Variants in DPP6 observed in about 807,000 individuals in gnomAD.
DPP6 encodes the protein dipeptidyl peptidase like 6, also known as A-type potassium channel modulatory protein DPP6.
In DPP6, 69 loss-of-function variants were observed where a neutral mutation model predicts 122.6. The ratio of observed to expected loss-of-function variants is 0.56; its 90% CI spans 0.46 to 0.69. The LOEUF (loss-of-function observed/expected upper bound fraction) is 0.69. Ranked by LOEUF, DPP6 falls within the 30% of genes least tolerant of loss-of-function variation. The pLI is 0.00. For missense variants in DPP6, 928 were observed against 1,116.9 expected (o/e 0.83, Z 2.41); for synonymous variants, 418 against 433.1 (o/e 0.97, Z 0.43).
At chr7:154,425,890 A>G (rs1048335903) in intron 1 of DPP6, among the ~76,000 whole-genome samples, 1 of 151,852 alleles carries the variant, frequency 6.6e-6, no homozygotes, top group Admixed American at 6.6e-5. Flanking sequence ...TGATCCTCCC[A>G]CCTCAATCTC....
chr7:154,262,685 T>C (rs572709870), intron 1 of DPP6, among the ~76,000 whole-genome samples: 4 of 151,256 alleles, frequency 2.6e-5, no homozygotes, highest in African/African-American at 9.7e-5. Flanking sequence ...CTAGAGACTC[T>C]AGGTTAAGCT....
intron 7 of DPP6, among the ~76,000 whole-genome samples, chr7:154,700,378 G>C (rs1840451217): frequency 6.6e-6 from 1 of 152,254 alleles, no homozygotes; most frequent in African/African-American, 2.4e-5. Flanking sequence ...TTTCTGGAGA[G>C]TGCTACCAGC....
rs545097008 is a variant in DPP6, at chr7:154,627,340, C to T, written c.628-10481C>T. On this transcript the variant is annotated intron_variant, in intron 5 of 25. Transcript: ENST00000377770. ...CCTCCCAAGTAGCTGGGACTACAGG[C>T]CCCTGCCACCATGTCCAGCTAATTT... is the stretch of plus-strand genomic sequence containing the variant. Among the ~76,000 whole-genome samples the T allele has an allele frequency of 5.9e-5, 9 of 151,688 alleles. No homozygotes were observed. In the South Asian group the frequency reaches 1.7e-3, roughly 28 times the overall value.
intron 8 of DPP6, among the ~76,000 whole-genome samples, chr7:154,734,874 A>C (rs1478164591): frequency 6.6e-6 from 1 of 152,228 alleles, no homozygotes; most frequent in Non-Finnish European, 1.5e-5. Flanking sequence ...GTCACAGAGG[A>C]AATTGAAATA....
the DPP6 span, among the ~76,000 whole-genome samples, chr7:153,769,821 A>T: frequency 2.0e-5 from 3 of 152,314 alleles, no homozygotes; most frequent in South Asian, 6.2e-4. Flanking sequence ...ACAGGCTGAA[A>T]TAGGGTTTGA....
intron 2 of DPP6, among the ~76,000 whole-genome samples, chr7:154,459,025 A>C (rs1303824755): frequency 6.6e-6 from 1 of 152,168 alleles, no homozygotes; most frequent in African/African-American, 2.4e-5. Flanking sequence ...GAGGAATAGG[A>C]ATCTCCAGTA....
intron 21 of DPP6, chr7:154,883,541 TTCAC>T (rs1404018848): frequency 6.1e-5 from 4 of 65,832 alleles, no homozygotes; most frequent in South Asian, 1.0e-3. Flanking sequence ...CGCTCACACA[TTCAC>T]ACACACCTGC....
At chr7:153,966,146 C>A (rs2969628) in intron 1 of DPP6, among the ~76,000 whole-genome samples, 2 of 81,938 alleles carry the variant, frequency 2.4e-5, no homozygotes, top group African/African-American at 8.5e-5. Context: ...CGACCCCTCT[C>A]GTGGCGTTGA....
intron 1 of DPP6, among the ~76,000 whole-genome samples, chr7:153,932,181 C>T (rs931902052): frequency 1.4e-5 from 2 of 146,102 alleles, no homozygotes; most frequent in African/African-American, 2.5e-5. Flanking sequence ...AGTACAATGG[C>T]GCCATCTTGG....
At chr7:154,191,164 C>T (rs1012027470) in intron 1 of DPP6, among the ~76,000 whole-genome samples, 4 of 152,166 alleles carry the variant, frequency 2.6e-5, no homozygotes, top group African/African-American at 9.7e-5. Flanking sequence ...ATGCCATTTT[C>T]TGCAAACGTT....
intron 1 of DPP6, among the ~76,000 whole-genome samples, chr7:153,915,281 G>T (rs1210740318): frequency 6.6e-6 from 1 of 152,056 alleles, no homozygotes; most frequent in Non-Finnish European, 1.5e-5. Flanking sequence ...CCATTTTCTG[G>T]CATCCTAAAG....
rs564557325 is a variant in DPP6 at position 154,800,394 on chromosome 7, C to T, written c.1300-961C>T. On this transcript the variant is annotated intron_variant, in intron 12 of 25. Coordinates refer to ENST00000377770, the MANE Select transcript of DPP6 (RefSeq NM_130797.4). ...TCATCCCCGCATTCGTGTGAAGCTC[C>T]TTGAGTCAGAAAATACATCTCGCAA... Among the ~76,000 whole-genome samples, 10 of 152,326 alleles carry T rather than the reference C, an allele frequency of 6.6e-5. No individual in the cohort carries two copies. In the South Asian group the frequency reaches 2.1e-3, roughly 32 times the overall value.
intron 7 of DPP6, among the ~76,000 whole-genome samples, chr7:154,694,194 C>T (rs1293892945): frequency 6.6e-6 from 1 of 152,188 alleles, no homozygotes. Context: ...CATTCGTGAG[C>T]GTTCTCCCCT....
chr7:154,499,320 G>A (rs567587505), intron 3 of DPP6, among the ~76,000 whole-genome samples: 1 of 152,226 alleles, frequency 6.6e-6, no homozygotes, highest in African/African-American at 2.4e-5. Flanking sequence ...TTCTAGCACT[G>A]CCCCCCTGCC....
At chr7:153,888,783 A>T (rs1799062294) in intron 1 of DPP6, among the ~76,000 whole-genome samples, 1 of 130,510 alleles carries the variant, frequency 7.7e-6, no homozygotes. Context: ...GGTTCTGCAG[A>T]TTTGCAGATG....
chr7:154,344,749 G>A (rs1379679171), intron 1 of DPP6, among the ~76,000 whole-genome samples: 2 of 152,192 alleles, frequency 1.3e-5, no homozygotes, highest in Non-Finnish European at 1.5e-5. Context: ...TTAGCTGGGC[G>A]TCTTGGTGCA....
At chr7:154,781,117 G>A (rs1796999955) in intron 10 of DPP6, among the ~76,000 whole-genome samples, 1 of 151,954 alleles carries the variant, frequency 6.6e-6, no homozygotes, top group Admixed American at 6.6e-5. Context: ...ATGAATGGGT[G>A]GATAGATGAA....
chr7:154,729,232 G>A (rs1842218247), intron 8 of DPP6, among the ~76,000 whole-genome samples: 1 of 152,172 alleles, frequency 6.6e-6, no homozygotes. Context: ...CTGAAACCGT[G>A]TGGTCACAGC....
At position 153,923,782 on chromosome 7, in the gene DPP6, AG is replaced by A. The variant is rs1228940952; in HGVS notation, c.51+36049del. Among the ~76,000 whole-genome samples, 609 of 147,470 alleles carry A rather than the reference AG, an allele frequency of 4.1e-3. 23 individuals carry two copies. The highest frequency in any genetic ancestry group is 5.2e-3 in the Non-Finnish European group (348 of 66,776). ...TCTCAAAAAAAAAAAAAAAAAAAAA[AG>A]AAGATTCCTTCATCTTAGCGGGGAG... On this transcript the variant is annotated intron_variant, in intron 1 of 25. Transcript: ENST00000404039.
Sources: gnomAD v4.1 joint callset for allele counts (sites outside exome capture counted in the v4.1 genomes callset) on GRCh38, gnomAD v4.1.1 for gene constraint, MANE v1.5 for transcripts, NCBI Gene and HGNC (gene_info 2026-07-23, HGNC 2026-07-21) for gene names.